ADAM32: variants seen among roughly 807,000 people sequenced by gnomAD.
The protein encoded by ADAM32 is ADAM metallopeptidase domain 32.
ADAM32 carries 89 observed loss-of-function variants against 114.9 expected under a neutral mutation model. That is an observed-to-expected ratio of 0.77 (90% CI 0.65 to 0.92). The LOEUF is 0.92. ADAM32 is among the 40% of genes least tolerant of loss of function. The probability of loss-of-function intolerance (pLI) is 0.00; values close to 1 mark genes in which losing one functional copy is unlikely to be tolerated. For synonymous variants in ADAM32, 285 were observed against 307.5 expected (o/e 0.93, Z 0.77); for missense variants, 870 against 932.8 (o/e 0.93, Z 0.88).
intron 3 of ADAM32, among the ~76,000 whole-genome samples, chr8:39,142,805 C>G (rs1309391120): frequency 1.3e-5 from 2 of 152,206 alleles, no homozygotes; most frequent in African/African-American, 4.8e-5. Flanking sequence ...TGTATTCTAT[C>G]TTGGTTCCAT....
chr8:39,191,194 A>T (rs1297824824), intron 11 of ADAM32, among the ~76,000 whole-genome samples: 1 of 152,196 alleles, frequency 6.6e-6, no homozygotes, highest in Non-Finnish European at 1.5e-5. Flanking sequence ...TGCTGTTGTG[A>T]ATAGTGCTGC....
intron 17 of ADAM32, 24 bp downstream of exon 17, chr8:39,246,190 A>G: frequency 6.3e-7 from 1 of 1,599,454 alleles, no homozygotes; most frequent in Non-Finnish European, 8.5e-7. Context: ...TGTTTCCCTG[A>G]ATCACATTTC....
At chr8:39,163,265 A>G (rs981389121) in intron 7 of ADAM32, among the ~76,000 whole-genome samples, 2 of 152,164 alleles carry the variant, frequency 1.3e-5, no homozygotes, top group Non-Finnish European at 2.9e-5. Context: ...AGATCAGTAG[A>G]TGGTTGCTAT....
chr8:39,139,985 T>C (rs1373242360), intron 3 of ADAM32, among the ~76,000 whole-genome samples: 4 of 152,202 alleles, frequency 2.6e-5, no homozygotes, highest in African/African-American at 9.6e-5. Flanking sequence ...TGTCTATCAT[T>C]GGTATATAGG....
intron 2 of ADAM32, among the ~76,000 whole-genome samples, chr8:39,118,723 C>A (rs887567674): frequency 6.6e-6 from 1 of 152,156 alleles, no homozygotes; most frequent in Non-Finnish European, 1.5e-5. Context: ...AGTGACCAAT[C>A]TTTTGGTAAC....
At position 39,135,219 on chromosome 8, in the gene ADAM32, C is replaced by T. The variant is rs554846722; in HGVS notation, c.139-1438C>T. Reference sequence around the variant, plus strand: ...AGCATCTGTGTTCAGTTATCACATTCAGATCAGGCTCACTAAGGAGCTAGT... The same window carrying T: ...AGCATCTGTGTTCAGTTATCACATTTAGATCAGGCTCACTAAGGAGCTAGT... On this transcript the variant is annotated intron_variant, in intron 2 of 24. Coordinates refer to ENST00000379907, the MANE Select transcript of ADAM32 (RefSeq NM_145004.7). Among the ~76,000 whole-genome samples the T allele has an allele frequency of 8.5e-4, 129 of 152,310 alleles. 4 individuals are homozygous for T. In the South Asian group the frequency reaches 0.026, roughly 31 times the overall value.
chr8:39,176,878 G>A (rs1283735353), intron 10 of ADAM32, among the ~76,000 whole-genome samples: 2 of 152,066 alleles, frequency 1.3e-5, no homozygotes, highest in Admixed American at 6.5e-5. Context: ...TCCTGTATCG[G>A]GTGCTTATGT....
At chr8:39,265,862 A>G (rs1277097845) in intron 19 of ADAM32, among the ~76,000 whole-genome samples, 1 of 152,202 alleles carries the variant, frequency 6.6e-6, no homozygotes, top group Non-Finnish European at 1.5e-5. Context: ...GTGTGGTGGT[A>G]GCAAATTCCC....
chr8:39,113,199 A>T (rs1840236038), intron 1 of ADAM32, among the ~76,000 whole-genome samples: 1 of 152,200 alleles, frequency 6.6e-6, no homozygotes, highest in Non-Finnish European at 1.5e-5. Context: ...GACTCAACCT[A>T]GGCCGTTCAG....
At chr8:39,280,584 C>T (rs1266898040) in intron 22 of ADAM32, among the ~76,000 whole-genome samples, 1 of 152,096 alleles carries the variant, frequency 6.6e-6, no homozygotes, top group Non-Finnish European at 1.5e-5. Context: ...TCTTGATTCT[C>T]TACTAGAGAA....
chr8:39,119,982 G>T (rs1316724783), intron 2 of ADAM32, among the ~76,000 whole-genome samples: 2 of 152,146 alleles, frequency 1.3e-5, no homozygotes, highest in African/African-American at 4.8e-5. Context: ...ATATACTAGG[G>T]GTTCATGCAT....
chr8:39,144,013 T>C (rs1803342667), intron 3 of ADAM32, among the ~76,000 whole-genome samples: 1 of 152,228 alleles, frequency 6.6e-6, no homozygotes. Context: ...TCCATGGGCA[T>C]GGGACCTGCT....
chr8:39,152,284 T>C (rs1158355276), intron 6 of ADAM32, among the ~76,000 whole-genome samples: 1 of 152,158 alleles, frequency 6.6e-6, no homozygotes, highest in African/African-American at 2.4e-5. Context: ...TGTAACTGCA[T>C]GTGTTGGTGC....
At chr8:39,169,753 A>G (rs10095787) in intron 9 of ADAM32, 163 bp from the exon 10 acceptor site, 133,420 of 507,324 alleles carry the variant, frequency 0.26, 18,564 homozygotes, top group Non-Finnish European at 0.29. Flanking sequence ...TGTCATATTA[A>G]ATAATATTCC....
At chr8:39,141,627 G>C (rs1269202084) in intron 3 of ADAM32, among the ~76,000 whole-genome samples, 1 of 152,208 alleles carries the variant, frequency 6.6e-6, no homozygotes, top group Non-Finnish European at 1.5e-5. Flanking sequence ...TTCAATTTTA[G>C]AATAAGTGTG....
chr8:39,202,987 G>A (rs183541454), intron 11 of ADAM32, among the ~76,000 whole-genome samples: 3,103 of 152,312 alleles, frequency 0.02, 103 homozygotes, highest in African/African-American at 0.071. Context: ...TTGCACTGTA[G>A]TCTGAGAGAC....
At chr8:39,266,133 A>G (rs555326529) in intron 19 of ADAM32, among the ~76,000 whole-genome samples, 13 of 152,078 alleles carry the variant, frequency 8.5e-5, no homozygotes, top group African/African-American at 2.7e-4. Context: ...TCTGATGACT[A>G]TGTGTCTTGG....
At chr8:39,187,415 G>T (rs1585490463) in intron 11 of ADAM32, among the ~76,000 whole-genome samples, 2 of 152,110 alleles carry the variant, frequency 1.3e-5, no homozygotes, top group African/African-American at 4.8e-5. Context: ...GGGACTGCAG[G>T]CACCCGCCAC....
intron 1 of ADAM32, among the ~76,000 whole-genome samples, chr8:39,115,034 T>G (rs998155951): frequency 8.5e-5 from 13 of 152,230 alleles, no homozygotes; most frequent in African/African-American, 3.1e-4. Context: ...ACCATGTGGC[T>G]GCAAAGGACG....
Sources: allele counts gnomAD v4.1 joint callset (sites outside exome capture counted in the v4.1 genomes callset), GRCh38; gene constraint gnomAD v4.1.1; transcripts MANE v1.5; gene names NCBI Gene and HGNC (gene_info 2026-07-23, HGNC 2026-07-21).